ROBO2: variants seen among roughly 807,000 people sequenced by gnomAD.
ROBO2 encodes roundabout guidance receptor 2.
ROBO2 carries 53 observed loss-of-function variants against 160.8 expected under a neutral mutation model. The ratio of observed to expected loss-of-function variants is 0.33; its 90% confidence interval spans 0.26 to 0.41. The LOEUF (loss-of-function observed/expected upper bound fraction) is 0.41. ROBO2 is among the 10% of genes least tolerant of loss of function. The pLI, the probability that ROBO2 is intolerant of heterozygous loss-of-function variation, is 1.00. For synonymous variants in ROBO2, 664 were observed against 611.7 expected (o/e 1.09, Z -1.26); for missense variants, 1,577 against 1,722.4 (o/e 0.92, Z 1.49).
chr3:76,194,350 G>GTGTGTATATATATA (rs759087780), intron 2 of ROBO2, among the ~76,000 whole-genome samples: 9 of 42,052 alleles, frequency 2.1e-4, no homozygotes, highest in Admixed American at 6.7e-4. Context: ...TGTATGGTGT[G>GTGTGTATATATATA]TAAATATATA....
At chr3:77,633,658 C>T (rs573036663) in intron 23 of ROBO2, 2 of 152,230 alleles carry the variant, frequency 1.3e-5, no homozygotes, top group South Asian at 2.1e-4. Context: ...ATTATACCAT[C>T]AATATTTCTT....
At position 77,522,909 on chromosome 3, in the gene ROBO2, G is replaced by C. The variant is rs776270292; in HGVS notation, c.934+7G>C. 80 of 1,608,650 alleles carry C rather than the reference G, an allele frequency of 5.0e-5. No individual in the cohort carries two copies. The highest frequency in any genetic ancestry group is 6.5e-5 in the Non-Finnish European group (76 of 1,176,204). ...GCTACACTCACCGTCCGAGGTAAGA[G>C]ATTTAAGATGTCAAAGATAATTGAA... On this transcript the variant is annotated splice_region_variant and intron_variant, in intron 6 of 25. Transcript: ENST00000461745.
chr3:76,506,290 A>G (rs897835516), intron 2 of ROBO2, among the ~76,000 whole-genome samples: 1 of 152,168 alleles, frequency 6.6e-6, no homozygotes, highest in Non-Finnish European at 1.5e-5. Context: ...GCCAGCAGTA[A>G]AAGTGTCCTG....
intron 2 of ROBO2, among the ~76,000 whole-genome samples, chr3:76,227,344 A>G (rs1704351386): frequency 6.6e-6 from 1 of 152,146 alleles, no homozygotes; most frequent in African/African-American, 2.4e-5. Flanking sequence ...ATTTTCACCC[A>G]TGTTTCAGCA....
intron 2 of ROBO2, among the ~76,000 whole-genome samples, chr3:76,122,502 T>G (rs1463301009): frequency 6.6e-6 from 1 of 152,162 alleles, no homozygotes; most frequent in Non-Finnish European, 1.5e-5. Context: ...GAAAGATGCA[T>G]TTTTTGAATT....
chr3:76,168,167 G>C (rs1441507978), intron 2 of ROBO2, among the ~76,000 whole-genome samples: 1 of 152,098 alleles, frequency 6.6e-6, no homozygotes, highest in Non-Finnish European at 1.5e-5. Context: ...CACTGTTCCT[G>C]GATAAGAAAT....
At chr3:76,586,939 A>G (rs868407945) in intron 2 of ROBO2, among the ~76,000 whole-genome samples, 2 of 152,226 alleles carry the variant, frequency 1.3e-5, no homozygotes, top group Non-Finnish European at 2.9e-5. Flanking sequence ...GAACATGAAA[A>G]TTGACAAACC....
At chr3:75,929,155 T>A (rs1947417954) in intron 1 of ROBO2, among the ~76,000 whole-genome samples, 1 of 140,410 alleles carries the variant, frequency 7.1e-6, no homozygotes, top group African/African-American at 2.7e-5. Context: ...AAACATGAGA[T>A]CTGCAGCTGG....
intron 4 of ROBO2, among the ~76,000 whole-genome samples, chr3:77,487,242 T>C (rs1199677671): frequency 6.6e-6 from 1 of 152,068 alleles, no homozygotes; most frequent in Non-Finnish European, 1.5e-5. Flanking sequence ...ATATAATCCT[T>C]TCTTGAGTAT....
At chr3:77,347,314 C>A (rs891458989) in intron 2 of ROBO2, among the ~76,000 whole-genome samples, 3 of 152,002 alleles carry the variant, frequency 2.0e-5, no homozygotes, top group African/African-American at 7.2e-5. Context: ...GAATTAAATA[C>A]CTCGCGTTCC....
intron 9 of ROBO2, among the ~76,000 whole-genome samples, chr3:77,558,647 T>C (rs1486114851): frequency 6.6e-6 from 1 of 152,066 alleles, no homozygotes; most frequent in East Asian, 1.9e-4. Flanking sequence ...TTGTGTAGTT[T>C]AGATTTAAAC....
chr3:77,538,059 G>A (rs564385256), intron 6 of ROBO2, among the ~76,000 whole-genome samples: 1 of 151,718 alleles, frequency 6.6e-6, no homozygotes, highest in African/African-American at 2.4e-5. Context: ...GAAGTAGCTG[G>A]TGGCAAAGAA....
intron 2 of ROBO2, among the ~76,000 whole-genome samples, chr3:77,007,130 G>A (rs530188784): frequency 2.0e-4 from 30 of 152,230 alleles, no homozygotes; most frequent in African/African-American, 7.0e-4. Flanking sequence ...GTGGATAAAA[G>A]TGAGAATTGC....
intron 2 of ROBO2, among the ~76,000 whole-genome samples, chr3:77,428,059 A>T (rs1379190782): frequency 2.0e-5 from 3 of 152,154 alleles, no homozygotes; most frequent in Admixed American, 6.5e-5. Context: ...ATATATTCTG[A>T]CTTACCAAGA....
chr3:77,488,113 T>C (rs894518531), intron 4 of ROBO2, among the ~76,000 whole-genome samples: 12 of 152,212 alleles, frequency 7.9e-5, no homozygotes, highest in Admixed American at 6.5e-4. Flanking sequence ...TAGCTGTATA[T>C]AAAGTTGGAT....
At chr3:76,863,303 G>C (rs1455139605) in intron 2 of ROBO2, among the ~76,000 whole-genome samples, 4 of 151,856 alleles carry the variant, frequency 2.6e-5, no homozygotes. Flanking sequence ...TCATAATTCA[G>C]ATAAGATGGT....
intron 2 of ROBO2, among the ~76,000 whole-genome samples, chr3:76,322,200 A>ATG (rs1364945662): frequency 1.7e-5 from 2 of 116,244 alleles, no homozygotes; most frequent in South Asian, 5.3e-4. Context: ...ATATATATAT[A>ATG]TATAATATAC....
At chr3:77,315,470 T>A (rs62251219) in intron 2 of ROBO2, among the ~76,000 whole-genome samples, 4 of 152,194 alleles carry the variant, frequency 2.6e-5, no homozygotes, top group African/African-American at 9.7e-5. Flanking sequence ...CCTTTGTCTC[T>A]CCTTAACTTT....
chr3:77,136,892 T>A (rs1309341752), intron 2 of ROBO2, among the ~76,000 whole-genome samples: 4 of 151,928 alleles, frequency 2.6e-5, no homozygotes, highest in Non-Finnish European at 5.9e-5. Context: ...GCCTCGGCCT[T>A]CCAAAGTGCT....
Sources: allele counts gnomAD v4.1 joint callset (sites outside exome capture counted in the v4.1 genomes callset), GRCh38; gene constraint gnomAD v4.1.1; transcripts MANE v1.5; gene names NCBI Gene and HGNC (gene_info 2026-07-23, HGNC 2026-07-21).